PREX2: variants seen among roughly 807,000 people sequenced by gnomAD.
The protein encoded by PREX2 is phosphatidylinositol-3,4,5-trisphosphate dependent Rac exchange factor 2, also known as phosphatidylinositol 3,4,5-trisphosphate-dependent Rac exchanger 2 protein.
In PREX2, 107 loss-of-function variants were observed where a neutral mutation model predicts 203.2. The ratio of observed to expected loss-of-function variants is 0.53; its 90% CI spans 0.45 to 0.62. The LOEUF (loss-of-function observed/expected upper bound fraction) is 0.62, where lower values mean the gene tolerates loss of function less well. Among genes scored for constraint, PREX2 ranks in the 20% least tolerant of loss-of-function variants. PREX2 has a pLI of 0.00. For missense variants in PREX2, 1,777 were observed against 1,955.9 expected, an observed-to-expected ratio of 0.91 and a Z score of 1.72; for synonymous variants, 672 against 663.6, an observed-to-expected ratio of 1.01 and a Z score of -0.19.
At chr8:68,175,529 AC>A in intron 35 of PREX2, among the ~76,000 whole-genome samples, 1 of 152,262 alleles carries the variant, frequency 6.6e-6, no homozygotes. Flanking sequence ...GATAATGAGA[AC>A]CCTAAGTAGA....
chr8:68,130,000 G>A (rs1398875890), intron 31 of PREX2, among the ~76,000 whole-genome samples: 2 of 151,372 alleles, frequency 1.3e-5, no homozygotes, highest in Admixed American at 6.6e-5. Flanking sequence ...AATGAAGGCA[G>A]TGTGCCCTGG....
intron 2 of PREX2, among the ~76,000 whole-genome samples, 190 bp from the exon 3 acceptor site, chr8:68,019,359 T>C (rs1399485373): frequency 6.6e-6 from 1 of 152,176 alleles, no homozygotes; most frequent in Non-Finnish European, 1.5e-5. Context: ...GAGCCAGCCA[T>C]GGGCTTCTGG....
intron 30 of PREX2, among the ~76,000 whole-genome samples, chr8:68,123,256 G>C (rs1406491525): frequency 6.6e-6 from 1 of 151,994 alleles, no homozygotes; most frequent in Non-Finnish European, 1.5e-5. Context: ...AGGAAAATTT[G>C]TCGCACTAAA....
At chr8:68,132,970 T>A (rs1423341007) in intron 31 of PREX2, among the ~76,000 whole-genome samples, 1 of 152,156 alleles carries the variant, frequency 6.6e-6, no homozygotes, top group Non-Finnish European at 1.5e-5. Flanking sequence ...TCAAAGTGGG[T>A]GTATTGGTCT....
chr8:68,212,548 A>G (rs1812759205), intron 37 of PREX2, among the ~76,000 whole-genome samples: 1 of 152,232 alleles, frequency 6.6e-6, no homozygotes, highest in Non-Finnish European at 1.5e-5. Flanking sequence ...AATAAATTGC[A>G]ATGTTTAAAA....
rs144230367 is a variant in PREX2 at position 68,045,808 on chromosome 8, A to G, written c.943+1218A>G. 1.3e-4 allele frequency among the ~76,000 whole-genome samples: 20 copies of G among 152,252 alleles called. 1 individual carries two copies. The East Asian group carries it at 3.7e-3, about 28-fold the overall frequency. On this transcript the variant is annotated intron_variant, in intron 8 of 39. Transcript: ENST00000288368. ...ATGCAGTTGCAGATACTCCCGTGCT[A>G]ACATGTGGGACCTAGTCGGCTATCT...
intron 23 of PREX2, among the ~76,000 whole-genome samples, chr8:68,104,411 G>C (rs1305894157): frequency 6.6e-6 from 1 of 152,098 alleles, no homozygotes; most frequent in African/African-American, 2.4e-5. Context: ...TGGTTTTCTT[G>C]ATGTTCCTTG....
At chr8:68,140,802 T>G (rs1585823811) in intron 33 of PREX2, among the ~76,000 whole-genome samples, 2 of 152,220 alleles carry the variant, frequency 1.3e-5, no homozygotes, top group East Asian at 3.9e-4. Flanking sequence ...CAGTAAGTAT[T>G]TGAATTCATC....
intron 1 of PREX2, among the ~76,000 whole-genome samples, chr8:67,977,629 G>A (rs1421287791): frequency 6.6e-6 from 1 of 152,106 alleles, no homozygotes; most frequent in Non-Finnish European, 1.5e-5. Flanking sequence ...GGAAAGGAAA[G>A]GCCAAAGCAT....
chr8:68,005,975 T>C (rs529148767), intron 1 of PREX2, among the ~76,000 whole-genome samples: 11 of 152,266 alleles, frequency 7.2e-5, no homozygotes, highest in Non-Finnish European at 1.3e-4. Flanking sequence ...TCAGGACATA[T>C]GCATTAGTTT....
At chr8:68,029,114 G>T (rs1807809833) in intron 5 of PREX2, among the ~76,000 whole-genome samples, 2 of 152,078 alleles carry the variant, frequency 1.3e-5, no homozygotes, top group Admixed American at 6.6e-5. Context: ...TGTTTATTCA[G>T]AAAAGATATT....
chr8:68,114,408 G>A (rs1810600672), intron 25 of PREX2: 3 of 448,588 alleles, frequency 6.7e-6, no homozygotes, highest in Non-Finnish European at 1.4e-5. Context: ...CAGGTATTTA[G>A]TAAATGCGAA....
At chr8:67,986,603 T>A (rs536293984) in intron 1 of PREX2, among the ~76,000 whole-genome samples, 42 of 152,220 alleles carry the variant, frequency 2.8e-4, no homozygotes, top group Non-Finnish European at 4.0e-4. Flanking sequence ...AGTCATAGAT[T>A]TACATGTGTA....
intron 17 of PREX2, chr8:68,082,936 T>G: frequency 4.7e-6 from 1 of 214,570 alleles, no homozygotes. Flanking sequence ...TGATTATAGT[T>G]AAAAGGATGA....
chr8:68,083,521 A>C, intron 18 of PREX2, 133 bp downstream of exon 18: 1 of 539,862 alleles, frequency 1.9e-6, no homozygotes, highest in Non-Finnish European at 3.2e-6. Flanking sequence ...GGTATCATTA[A>C]TACTGGTTTA....
chr8:68,019,920 T>C (rs1156694160), intron 3 of PREX2, among the ~76,000 whole-genome samples: 1 of 152,240 alleles, frequency 6.6e-6, no homozygotes, highest in East Asian at 1.9e-4. Flanking sequence ...GCATCCTCTG[T>C]AGCTTTGAAT....
intron 35 of PREX2, among the ~76,000 whole-genome samples, chr8:68,178,063 A>G (rs1479157801): frequency 2.0e-5 from 3 of 152,076 alleles, no homozygotes; most frequent in African/African-American, 4.8e-5. Context: ...AGTTGATTCC[A>G]TGTCTTTGCT....
intron 6 of PREX2, among the ~76,000 whole-genome samples, chr8:68,037,778 G>A (rs752455001): frequency 2.0e-5 from 3 of 152,056 alleles, no homozygotes; most frequent in Non-Finnish European, 4.4e-5. Flanking sequence ...TGCCTGTGGA[G>A]GCTGTTTTTC....
chr8:67,964,321 C>T (rs1243702519), intron 1 of PREX2, among the ~76,000 whole-genome samples: 1 of 152,166 alleles, frequency 6.6e-6, no homozygotes, highest in Admixed American at 6.5e-5. Flanking sequence ...ACTGGCTGGA[C>T]AGCCATGTGC....
Sources: allele counts gnomAD v4.1 joint callset (sites outside exome capture counted in the v4.1 genomes callset), GRCh38; gene constraint gnomAD v4.1.1; transcripts MANE v1.5; gene names NCBI Gene and HGNC (gene_info 2026-07-23, HGNC 2026-07-21).